Variants in PRKCZ observed in about 807,000 individuals in gnomAD.
PRKCZ encodes protein kinase C zeta.
Under a neutral mutation model 79.5 loss-of-function variants are expected in PRKCZ, and 33 were observed. The observed-to-expected ratio is 0.41, with a 90% confidence interval of 0.31 to 0.55. The LOEUF (loss-of-function observed/expected upper bound fraction) is 0.55, where lower values mean the gene tolerates loss of function less well. Ranked by LOEUF, PRKCZ falls within the 20% of genes least tolerant of loss-of-function variation. PRKCZ has a pLI of 0.19. For synonymous variants in PRKCZ, 342 were observed against 320.9 expected (o/e 1.07, Z -0.70); for missense variants, 578 against 813.5 (o/e 0.71, Z 3.52).
chr1:2,052,237 G>A (rs990948384), intron 1 of PRKCZ, among the ~76,000 whole-genome samples: 7 of 152,260 alleles, frequency 4.6e-5, no homozygotes, highest in East Asian at 3.9e-4. Context: ...ACCAAGGCTC[G>A]GAGGCAATGC....
chr1:2,108,060 G>A (rs1246876056), intron 4 of PRKCZ, among the ~76,000 whole-genome samples: 2 of 152,244 alleles, frequency 1.3e-5, no homozygotes, highest in South Asian at 2.1e-4. Context: ...TGGGCCAGTC[G>A]GGGTGGTTGG....
At chr1:2,054,691 TGGCACCGTC>T (rs1220768267) in intron 1 of PRKCZ, among the ~76,000 whole-genome samples, 1 of 152,164 alleles carries the variant, frequency 6.6e-6, no homozygotes, top group East Asian at 1.9e-4. Flanking sequence ...ACTTCACCGC[TGGCACCGTC>T]GAGGTCTGGG....
intron 1 of PRKCZ, chr1:2,050,933 C>T: frequency 2.7e-6 from 1 of 373,802 alleles, no homozygotes; most frequent in Non-Finnish European, 4.8e-6. Flanking sequence ...GTCGGCCCCG[C>T]GCCGCGAGCT....
chr1:2,181,092 C>T (rs1228745619), intron 16 of PRKCZ, among the ~76,000 whole-genome samples: 1 of 150,926 alleles, frequency 6.6e-6, no homozygotes, highest in Admixed American at 6.6e-5. Context: ...CTCCCCACCC[C>T]ACCCCCGCCA....
At chr1:2,132,848 C>G (rs578023459) in intron 4 of PRKCZ, among the ~76,000 whole-genome samples, 1 of 152,228 alleles carries the variant, frequency 6.6e-6, no homozygotes, top group Non-Finnish European at 1.5e-5. Flanking sequence ...CCGCCTGGAC[C>G]GCTGTGACAG....
chr1:2,110,534 T>C (rs1478725295), intron 4 of PRKCZ, among the ~76,000 whole-genome samples: 5 of 152,136 alleles, frequency 3.3e-5, no homozygotes, highest in African/African-American at 1.2e-4. Flanking sequence ...TTGAGTCCAC[T>C]GGGCCCGAAG....
intron 4 of PRKCZ, chr1:2,074,276 G>T (rs1480977135): frequency 6.5e-7 from 1 of 1,549,684 alleles, no homozygotes; most frequent in African/African-American, 1.4e-5. Flanking sequence ...AGGACGGATG[G>T]TGTGTGGCCC....
At chr1:2,090,356 G>C (rs1476336611) in intron 4 of PRKCZ, among the ~76,000 whole-genome samples, 1 of 152,084 alleles carries the variant, frequency 6.6e-6, no homozygotes, top group East Asian at 1.9e-4. Context: ...GTGCACCCAT[G>C]GTTTTGTAGC....
chr1:2,106,037 C>A (rs573446012), intron 4 of PRKCZ, among the ~76,000 whole-genome samples: 1 of 152,240 alleles, frequency 6.6e-6, no homozygotes, highest in Non-Finnish European at 1.5e-5. Flanking sequence ...GGCCCTTCCA[C>A]GTCTCCTGGC....
intron 4 of PRKCZ, among the ~76,000 whole-genome samples, chr1:2,072,540 T>A (rs1454908825): frequency 8.9e-5 from 10 of 111,838 alleles, no homozygotes; most frequent in Non-Finnish European, 6.4e-5. Flanking sequence ...GTCGGCCAGG[T>A]GGAGTAACTT....
chr1:2,118,159 G>A (rs1671127510), intron 4 of PRKCZ, among the ~76,000 whole-genome samples: 1 of 150,912 alleles, frequency 6.6e-6, no homozygotes, highest in African/African-American at 2.4e-5. Context: ...ACCACGCCTG[G>A]TTAATTTTTG....
rs1236449420 is a variant in PRKCZ at position 2,172,233 on chromosome 1, G to A, written c.1197+43G>A. On this transcript the variant is annotated intron_variant, in intron 12 of 17. Transcript: ENST00000378567. The surrounding 1 kb of genome is among the most constrained non-coding windows in gnomAD (Gnocchi z 7.8). Reference sequence around the variant, plus strand: ...CCTCCCCTGACCATCCCGCATGTGCGTCTCGGGGCGCCTGTCCCGCGGGGT... The same window carrying A: ...CCTCCCCTGACCATCCCGCATGTGCATCTCGGGGCGCCTGTCCCGCGGGGT... The A allele has an allele frequency of 3.0e-5, 49 of 1,613,356 alleles. No individual in the cohort carries two copies. The highest frequency in any genetic ancestry group is 4.0e-5 in the African/African-American group (3 of 74,948).
intron 4 of PRKCZ, among the ~76,000 whole-genome samples, chr1:2,090,268 T>A (rs1472314961): frequency 6.6e-6 from 1 of 152,184 alleles, no homozygotes; most frequent in Non-Finnish European, 1.5e-5. Flanking sequence ...GGCTGCACCT[T>A]GGCAAGGGGT....
Position 2,173,970 on chromosome 1 carries a change from C to A in PRKCZ, c.1359C>A (p.Ile453=). The stretch of plus-strand genomic sequence containing the variant: ...TGGCCGGGCGCTCCCCGTTCGACAT[C>A]ATCACCGACAACCCGGACATGAACA... ...EMMAGRSPFD[I]ITDNPDMNTE... Residue 453 remains isoleucine (I), a synonymous_variant, in exon 14 of 18, where the codon ATC becomes ATA. Transcript: ENST00000378567. The surrounding 1 kb of genome is among the most constrained non-coding windows in gnomAD (Gnocchi z 5.7). 1 of 1,612,860 alleles carries A rather than the reference C, an allele frequency of 6.2e-7. No individual in the cohort carries two copies. Among genetic ancestry groups the A allele is most frequent in the Non-Finnish European group, 8.5e-7 (1 of 1,179,480 alleles).
chr1:2,073,511 T>G, intron 4 of PRKCZ: 5 of 554,894 alleles, frequency 9.0e-6, no homozygotes, highest in African/African-American at 2.0e-5. Context: ...TCTGTTCTGA[T>G]GTCGCATTTT....
intron 10 of PRKCZ, among the ~76,000 whole-genome samples, chr1:2,164,878 C>A (rs1444670939): frequency 1.3e-5 from 2 of 152,122 alleles, no homozygotes; most frequent in Non-Finnish European, 2.9e-5. Flanking sequence ...CTCACCCAGT[C>A]CCACGGCTGC....
intron 9 of PRKCZ, among the ~76,000 whole-genome samples, chr1:2,153,936 C>T (rs1680411690): frequency 6.6e-6 from 1 of 152,230 alleles, no homozygotes. Context: ...CCTCTTGTTC[C>T]CCCAGGAGTC....
intron 10 of PRKCZ, among the ~76,000 whole-genome samples, chr1:2,161,543 G>A (rs1453508899): frequency 1.3e-5 from 2 of 152,228 alleles, no homozygotes; most frequent in Non-Finnish European, 2.9e-5. Flanking sequence ...GTTTCCTGAT[G>A]TGGTGTCACA....
At chr1:2,102,020 CA>C (rs1667521475) in intron 4 of PRKCZ, among the ~76,000 whole-genome samples, 1 of 152,176 alleles carries the variant, frequency 6.6e-6, no homozygotes, top group African/African-American at 2.4e-5. Context: ...GGAAGGATTG[CA>C]GGTGGGGCTT....
Sources: gnomAD v4.1 joint callset for allele counts (sites outside exome capture counted in the v4.1 genomes callset) on GRCh38, gnomAD v4.1.1 for gene constraint, Gnocchi (gnomAD v3.1) non-coding constraint, MANE v1.5 for transcripts, NCBI Gene and HGNC (gene_info 2026-07-23, HGNC 2026-07-21) for gene names.